TCFL5: variants seen among roughly 807,000 people sequenced by gnomAD.
The protein encoded by TCFL5 is transcription factor-like 5 protein.
Under a neutral mutation model 44.3 loss-of-function variants are expected in TCFL5, and 9 were observed. The ratio of observed to expected loss-of-function variants is 0.20; its 90% CI spans 0.12 to 0.35. TCFL5 has a LOEUF of 0.35. TCFL5 is among the 10% of genes least tolerant of loss of function. The pLI, the probability that TCFL5 is intolerant of heterozygous loss-of-function variation, is 1.00. For synonymous variants in TCFL5, 319 were observed against 271.6 expected, an observed-to-expected ratio of 1.17 and a Z score of -1.72; for missense variants, 603 against 613.4, an observed-to-expected ratio of 0.98 and a Z score of 0.18.
chr20:62,859,538 T>C lies in TCFL5; in HGVS notation c.832-12A>G. ...GAGTTACTAGAACTCTGGAAAAAAATGAAGCAACAGGAATTTTATCAATAT... is the reference window on the plus strand; with the variant it reads ...GAGTTACTAGAACTCTGGAAAAAAACGAAGCAACAGGAATTTTATCAATAT... On this transcript the variant is annotated splice_polypyrimidine_tract_variant and intron_variant, in intron 2 of 5. Transcript: ENST00000335351. 6.2e-7 allele frequency: 1 copy of C among 1,602,716 alleles called. No individual in the cohort carries two copies.
At position 62,857,496 on chromosome 20, in the gene TCFL5, C is replaced by G. The variant is rs187494136; in HGVS notation, c.1137G>C (p.Ser379=). 9.3e-6 allele frequency: 15 copies of G among 1,614,108 alleles called. No homozygotes were observed. The East Asian group carries it at 2.7e-4, about 29-fold the overall frequency. ...CCCCCAGGTTTGCCTGTGAGGACTC[C>G]GAGGACTGCCAAGCGCCTTGTGTGG... ...ATATQGAWQS[S]ESSQANLGEQ... The change falls in exon 4 of 6, where the codon TCG becomes TCC. Residue 379 remains serine (S), a synonymous_variant. Transcript: ENST00000335351.
chr20:62,846,671 C>T (rs1455534685), intron 5 of TCFL5, among the ~76,000 whole-genome samples: 1 of 150,760 alleles, frequency 6.6e-6, no homozygotes, highest in Non-Finnish European at 1.5e-5. Context: ...GAGGCTGAGG[C>T]AGGAGGAGCA....
intron 5 of TCFL5, among the ~76,000 whole-genome samples, chr20:62,846,400 C>T (rs1025332206): frequency 2.0e-5 from 3 of 152,202 alleles, no homozygotes; most frequent in African/African-American, 7.2e-5. Context: ...GGAGCAGATC[C>T]CCTTAGTCCT....
chr20:62,848,011 G>A (rs1363387529), intron 5 of TCFL5, among the ~76,000 whole-genome samples: 2 of 152,244 alleles, frequency 1.3e-5, no homozygotes, highest in African/African-American at 4.8e-5. Flanking sequence ...ATGGGCGGTT[G>A]CCAGTACAGG....
intron 5 of TCFL5, chr20:62,844,939 A>C: frequency 1.0e-6 from 1 of 984,696 alleles, no homozygotes; most frequent in South Asian, 4.7e-5. Flanking sequence ...TTTCTACTTA[A>C]TTCAAGTCCA....
In TCFL5 at chr20:62,857,384, A is replaced by T; in HGVS notation, c.1238+11T>A. The T allele has an allele frequency of 6.2e-7, 1 of 1,613,270 alleles. No homozygotes were observed. Among genetic ancestry groups the T allele is most frequent in the South Asian group, 1.1e-5 (1 of 90,994 alleles). ...ATATGAGTCAGCCTGACAAGCAGTC[A>T]CACGTATTACCTTCTATCTCTTTCC... On this transcript the variant is annotated intron_variant, in intron 4 of 5. Coordinates refer to ENST00000335351, the MANE Select transcript of TCFL5 (RefSeq NM_006602.4).
At chr20:62,856,840 G>A (rs988885628) in intron 4 of TCFL5, among the ~76,000 whole-genome samples, 2 of 152,148 alleles carry the variant, frequency 1.3e-5, no homozygotes, top group Non-Finnish European at 2.9e-5. Context: ...AGTGGAGTCT[G>A]CAAACCTAGA....
At chr20:62,847,137 C>G (rs117538864) in intron 5 of TCFL5, among the ~76,000 whole-genome samples, 4 of 150,352 alleles carry the variant, frequency 2.7e-5, no homozygotes, top group Non-Finnish European at 5.9e-5. Flanking sequence ...GAGCCAAGAT[C>G]GCGCCATTAC....
intron 5 of TCFL5, among the ~76,000 whole-genome samples, chr20:62,843,567 C>G (rs190969525): frequency 2.0e-5 from 3 of 152,236 alleles, no homozygotes; most frequent in East Asian, 1.9e-4. Context: ...GCATTCTACA[C>G]GATTAAATCC....
chr20:62,860,193 A>G lies in TCFL5; in HGVS notation c.763T>C (p.Phe255Leu). ...KTAATTTALQ[F>L]TYPLFTTNAC... ...TTTGTAGTAAACAGTGGGTATGTAA[A>G]TTGCAAAGCAGTAGTTGTAGCCGCA... The change falls in exon 2 of 6, where the codon TTT becomes CTT. Residue 255 changes from phenylalanine (F) to leucine (L), a missense_variant. By Grantham distance (22) the Phe-to-Leu change is conservative. Transcript: ENST00000335351. The G allele has an allele frequency of 1.9e-6, 3 of 1,613,912 alleles. No individual in the cohort carries two copies. Among genetic ancestry groups the G allele is most frequent in the Non-Finnish European group, 2.5e-6 (3 of 1,179,802 alleles).
rs1568786975 is a variant in TCFL5 at position 62,854,122 on chromosome 20, A to T, written c.1274T>A (p.Leu425His). The T allele has an allele frequency of 6.2e-7, 1 of 1,614,138 alleles. No homozygotes were observed. The change falls in exon 5 of 6, where the codon CTC (leucine) becomes CAC (histidine). Residue 425 changes from leucine to histidine, a missense_variant. By Grantham distance (99) the Leu-to-His change is moderately conservative. Coordinates refer to ENST00000335351, the MANE Select transcript of TCFL5 (RefSeq NM_006602.4). ...CTCGGCATTGCAGAACGGCACTAAG[A>T]GATTCAACTCATCACAGCAAATGCG... Reference protein sequence around the residue: ...RIRICCDELNLLVPFCNAETD... With the variant: ...RIRICCDELNHLVPFCNAETD...
rs2064016317 is a variant in TCFL5 at position 62,861,700 on chromosome 20, GGGCGACGCGGGC to G, written c.-42_-31del. Reference sequence around the variant, plus strand: ...GCGCGGCGCGGCCCAACGGCGGCGAGGGCGACGCGGGCGGCGGGCGGCGGGAGGCGGGAGGCG... The same window carrying G: ...GCGCGGCGCGGCCCAACGGCGGCGAGGGCGGGCGGCGGGAGGCGGGAGGCG... On this transcript the variant is annotated 5_prime_UTR_variant, in exon 1 of 6. Coordinates refer to ENST00000335351, the MANE Select transcript of TCFL5 (RefSeq NM_006602.4). This position sits in a 1 kb window ranked among gnomAD's most constrained non-coding sequence, Gnocchi z 4.0. 6.0e-6 allele frequency: 1 copy of G among 165,342 alleles called. No homozygotes were observed. Among genetic ancestry groups the G allele is most frequent in the South Asian group, 1.7e-4 (1 of 5,740 alleles). 10.2% of individuals were successfully genotyped at this position (165,342 alleles called of 1,614,324 possible). A position where few individuals can be genotyped will look rare whatever the true frequency, so the allele number is the denominator to read the frequency against.
At chr20:62,852,583 GAGGGAC>G (rs2063825195) in intron 5 of TCFL5, 39 of 985,310 alleles carry the variant, frequency 4.0e-5, no homozygotes, top group Non-Finnish European at 4.7e-5. Flanking sequence ...TGGCTGTCCT[GAGGGAC>G]TGCATATGCT....
intron 5 of TCFL5, among the ~76,000 whole-genome samples, chr20:62,850,747 T>G (rs4809426): frequency 0.25 from 38,585 of 152,096 alleles, 5,037 homozygotes; most frequent in Middle Eastern, 0.3. Context: ...CCTGCCCCGG[T>G]GCCCTGCCCA....
rs145355253 is a variant in TCFL5, at chr20:62,861,512, C to T, written c.159G>A (p.Glu53=). The T allele has an allele frequency of 1.3e-3, 1,527 of 1,190,458 alleles. 5 individuals carry two copies. The highest frequency in any genetic ancestry group is 2.8e-3 in the Admixed American group (83 of 29,288). The allele number at this position is 1,190,458 out of a possible 1,614,324, so 73.7% of individuals were successfully genotyped here. The change falls in exon 1 of 6, where the codon GAG becomes GAA. Residue 53 remains glutamate (E), a synonymous_variant. Transcript: ENST00000335351. The surrounding 1 kb of genome is among the most constrained non-coding windows in gnomAD (Gnocchi z 4.0). The part of the protein sequence containing the change: ...DLSLVEMTEV[E]YTQLQHILCS... ...AGAGGATGTGCTGCAGCTGCGTGTA[C>T]TCCACCTCCGTCATCTCCACCAGGC...
chr20:62,848,733 C>T (rs1465840657), intron 5 of TCFL5, among the ~76,000 whole-genome samples: 2 of 151,848 alleles, frequency 1.3e-5, no homozygotes, highest in East Asian at 1.9e-4. Context: ...AGCGAGACTC[C>T]GTCTCAAAAA....
At chr20:62,843,890 G>A (rs1053636390) in intron 5 of TCFL5, among the ~76,000 whole-genome samples, 3 of 152,190 alleles carry the variant, frequency 2.0e-5, no homozygotes, top group Non-Finnish European at 4.4e-5. Flanking sequence ...TAATGACCTC[G>A]GGCCATCCAT....
At chr20:62,853,993 A>T (rs758137181) in intron 5 of TCFL5, 23 bp downstream of exon 5, 1 of 1,607,650 alleles carries the variant, frequency 6.2e-7, no homozygotes. Flanking sequence ...AAATTCTGAA[A>T]ATCTACCTGG....
rs756776128 is a variant in TCFL5, at chr20:62,841,947, A to AC, written c.*27dup. On this transcript the variant is annotated 3_prime_UTR_variant, in exon 6 of 6. Coordinates refer to ENST00000335351, the MANE Select transcript of TCFL5 (RefSeq NM_006602.4). ...ACAGGTCACGAAGGAATGGCTGTTC[A>AC]CCCCCCGAGGATTCCTGTTCAGTCC... The AC allele has an allele frequency of 1.1e-5, 17 of 1,612,022 alleles. No individual in the cohort carries two copies. The East Asian group carries it at 1.3e-4, about 13-fold the overall frequency.
Sources: allele counts gnomAD v4.1 joint callset (sites outside exome capture counted in the v4.1 genomes callset), GRCh38; gene constraint gnomAD v4.1.1; non-coding constraint Gnocchi (gnomAD v3.1); transcripts MANE v1.5; gene names NCBI Gene and HGNC (gene_info 2026-07-23, HGNC 2026-07-21).